MAPK8: variants seen among roughly 807,000 people sequenced by gnomAD.
MAPK8 encodes mitogen-activated protein kinase 8, also known as JUN N-terminal kinase.
A neutral mutation model predicts 52.9 loss-of-function variants in MAPK8; 13 were observed. The observed-to-expected ratio is 0.25, with a 90% confidence interval of 0.16 to 0.39. The LOEUF (loss-of-function observed/expected upper bound fraction) is 0.39. MAPK8 is among the 10% of genes least tolerant of loss of function. The pLI is 1.00. For synonymous variants in MAPK8, 191 were observed against 169.8 expected (o/e 1.12, Z -0.97); for missense variants, 300 against 519.2 (o/e 0.58, Z 4.10).
chr10:48,354,821 A>G (rs1443365235), intron 1 of MAPK8, among the ~76,000 whole-genome samples: 1 of 152,120 alleles, frequency 6.6e-6, no homozygotes, highest in Non-Finnish European at 1.5e-5. Context: ...AGAATTCCCT[A>G]AGATAATTTA....
chr10:48,424,492 T>TA, intron 7 of MAPK8: 2 of 1,489,784 alleles, frequency 1.3e-6, no homozygotes, highest in Non-Finnish European at 1.8e-6. Flanking sequence ...TTTATGTTAA[T>TA]GTCATTGCAT....
chr10:48,371,320 G>A (rs903504058), intron 1 of MAPK8, among the ~76,000 whole-genome samples: 1 of 152,072 alleles, frequency 6.6e-6, no homozygotes, highest in Non-Finnish European at 1.5e-5. Flanking sequence ...ATTACTCAGA[G>A]CTATAATATG....
chr10:48,401,617 TG>T lies in MAPK8; in HGVS notation c.-42del, dbSNP rs746212436. The T allele has an allele frequency of 1.2e-6, 2 of 1,600,300 alleles. No individual in the cohort carries two copies. The highest frequency in any genetic ancestry group is 1.7e-6 in the Non-Finnish European group (2 of 1,174,960). On this transcript the variant is annotated 5_prime_UTR_variant, in exon 2 of 12. Coordinates refer to ENST00000374189, the MANE Select transcript of MAPK8 (RefSeq NM_001323329.2). ...TGTTTTGTTGCATCTTGCAGCTTCT[TG>T]GTGAATTTTTGGATGAAGCCATTAA... is the stretch of plus-strand genomic sequence containing the variant.
intron 1 of MAPK8, among the ~76,000 whole-genome samples, chr10:48,348,520 G>C (rs1465052769): frequency 6.6e-6 from 1 of 152,130 alleles, no homozygotes. Flanking sequence ...TATGTGTTAT[G>C]TCTTACATTT....
At chr10:48,338,452 G>A (rs777630962) in intron 1 of MAPK8, among the ~76,000 whole-genome samples, 3 of 152,118 alleles carry the variant, frequency 2.0e-5, no homozygotes, top group Non-Finnish European at 2.9e-5. Context: ...AGTCATTTAT[G>A]ACATACCCAC....
chr10:48,328,149 TGG>T, intron 1 of MAPK8, among the ~76,000 whole-genome samples: 1 of 152,304 alleles, frequency 6.6e-6, no homozygotes, highest in Non-Finnish European at 1.5e-5. Context: ...TCCAAGTAGC[TGG>T]GATTACAGGT....
intron 1 of MAPK8, among the ~76,000 whole-genome samples, chr10:48,318,267 G>A (rs953531531): frequency 1.3e-5 from 2 of 152,110 alleles, no homozygotes; most frequent in Non-Finnish European, 2.9e-5. Flanking sequence ...ACGGTATCAA[G>A]GATAAGCTCC....
chr10:48,363,143 C>G (rs1367705405), intron 1 of MAPK8, among the ~76,000 whole-genome samples: 1 of 151,954 alleles, frequency 6.6e-6, no homozygotes, highest in Non-Finnish European at 1.5e-5. Context: ...GAACTCTTGG[C>G]GTCTAGCCAT....
intron 2 of MAPK8, 124 bp downstream of exon 2, chr10:48,401,906 A>C (rs2042178723): frequency 5.5e-6 from 4 of 727,474 alleles, no homozygotes; most frequent in Non-Finnish European, 2.0e-6. Flanking sequence ...ACTAAAAATT[A>C]AACGAAAACT....
intron 1 of MAPK8, among the ~76,000 whole-genome samples, chr10:48,375,823 T>C (rs948651463): frequency 2.0e-5 from 3 of 152,150 alleles, no homozygotes; most frequent in Admixed American, 6.5e-5. Context: ...CCAAAATAAT[T>C]TGTAGATTCA....
chr10:48,387,938 C>A (rs144864245), intron 1 of MAPK8, among the ~76,000 whole-genome samples: 3 of 152,222 alleles, frequency 2.0e-5, no homozygotes, highest in Non-Finnish European at 2.9e-5. Context: ...GTCAGAATCA[C>A]CCTTGAAAGT....
At chr10:48,365,151 T>C (rs1399294298) in intron 1 of MAPK8, among the ~76,000 whole-genome samples, 1 of 152,188 alleles carries the variant, frequency 6.6e-6, no homozygotes, top group Non-Finnish European at 1.5e-5. Context: ...TTCTCTTTAT[T>C]GTTTAAGAGT....
chr10:48,385,598 G>A (rs1426158353), intron 1 of MAPK8, among the ~76,000 whole-genome samples: 1 of 151,906 alleles, frequency 6.6e-6, no homozygotes, highest in East Asian at 1.9e-4. Context: ...TTACTTTGTT[G>A]GTAGTAAAAA....
At chr10:48,341,770 T>A (rs1473101207) in intron 1 of MAPK8, among the ~76,000 whole-genome samples, 1 of 152,202 alleles carries the variant, frequency 6.6e-6, no homozygotes, top group Non-Finnish European at 1.5e-5. Context: ...CATGAAAGTA[T>A]ATAAAGATAC....
intron 1 of MAPK8, among the ~76,000 whole-genome samples, chr10:48,368,411 C>T (rs1550774): frequency 0.036 from 5,551 of 152,284 alleles, 285 homozygotes; most frequent in African/African-American, 0.11. Flanking sequence ...TTACAGATTC[C>T]TCCCTGTCCT....
At chr10:48,411,990 G>A (rs1016813718) in intron 5 of MAPK8, among the ~76,000 whole-genome samples, 1 of 151,920 alleles carries the variant, frequency 6.6e-6, no homozygotes, top group Admixed American at 6.6e-5. Flanking sequence ...GATTACAGGG[G>A]CCTGCCCCCA....
intron 2 of MAPK8, among the ~76,000 whole-genome samples, chr10:48,403,993 C>T (rs1353968610): frequency 9.4e-5 from 14 of 149,010 alleles, no homozygotes; most frequent in Admixed American, 8.0e-4. Context: ...CCATGTTAGC[C>T]GGGATGGTCT....
intron 1 of MAPK8, among the ~76,000 whole-genome samples, chr10:48,311,888 T>C (rs1425471217): frequency 6.6e-6 from 1 of 152,254 alleles, no homozygotes; most frequent in Non-Finnish European, 1.5e-5. Context: ...CGGCAGTATT[T>C]ACTGAGCATT....
At chr10:48,363,642 A>T (rs1162584482) in intron 1 of MAPK8, among the ~76,000 whole-genome samples, 1 of 152,092 alleles carries the variant, frequency 6.6e-6, no homozygotes, top group Non-Finnish European at 1.5e-5. Context: ...TACTGTTTTC[A>T]TAGGGAATTG....
Sources: allele counts gnomAD v4.1 joint callset (sites outside exome capture counted in the v4.1 genomes callset), GRCh38; gene constraint gnomAD v4.1.1; transcripts MANE v1.5; gene names NCBI Gene and HGNC (gene_info 2026-07-23, HGNC 2026-07-21).